MAF: variants seen among roughly 807,000 people sequenced by gnomAD.
The protein encoded by MAF is MAF bZIP transcription factor.
In MAF, 10 loss-of-function variants were observed where a neutral mutation model predicts 22.0. The observed-to-expected ratio is 0.45, with a 90% confidence interval of 0.28 to 0.77. The LOEUF (loss-of-function observed/expected upper bound fraction) is 0.77. Ranked by LOEUF, MAF falls within the 30% of genes least tolerant of loss-of-function variation. MAF has a pLI of 0.12. For synonymous variants in MAF, 337 were observed against 255.8 expected (o/e 1.32, Z -3.03); for missense variants, 544 against 548.4 (o/e 0.99, Z 0.08).
At chr16:79,355,563 T>C in the MAF span, among the ~76,000 whole-genome samples, 1 of 152,206 alleles carries the variant, frequency 6.6e-6, no homozygotes. Flanking sequence ...AGCCTCAGCC[T>C]CCTCTTCCAT....
the MAF span, among the ~76,000 whole-genome samples, chr16:79,272,065 C>T: frequency 6.6e-6 from 1 of 151,746 alleles, no homozygotes; most frequent in Non-Finnish European, 1.5e-5. Flanking sequence ...ACGTGTGAGC[C>T]AATACTTGGG....
chr16:79,512,379 G>T, the MAF span, among the ~76,000 whole-genome samples: 1 of 152,154 alleles, frequency 6.6e-6, no homozygotes, highest in African/African-American at 2.4e-5. Context: ...TTCCAGCTTT[G>T]CCCATCTGCA....
At chr16:79,407,876 T>A in the MAF span, among the ~76,000 whole-genome samples, 1 of 152,034 alleles carries the variant, frequency 6.6e-6, no homozygotes, top group African/African-American at 2.4e-5. Flanking sequence ...TTAATTTGCA[T>A]CCTTTATGCA....
chr16:79,339,129 G>T, the MAF span, among the ~76,000 whole-genome samples: 1 of 151,932 alleles, frequency 6.6e-6, no homozygotes, highest in Non-Finnish European at 1.5e-5. Flanking sequence ...GAGCGCAGTG[G>T]CACCATCTCG....
intron 1 of MAF, chr16:79,597,874 C>G (rs1913650213): frequency 9.7e-7 from 1 of 1,030,456 alleles, no homozygotes; most frequent in East Asian, 6.1e-5. Flanking sequence ...GTTGCTAAGA[C>G]AAAGTAGCAA....
chr16:79,545,405 A>C, the MAF span, among the ~76,000 whole-genome samples: 1 of 152,188 alleles, frequency 6.6e-6, no homozygotes, highest in Admixed American at 6.5e-5. Context: ...CAAGAGATTC[A>C]AGGGGACAGC....
chr16:79,205,333 A>G, the MAF span: 1 of 152,064 alleles, frequency 6.6e-6, no homozygotes, highest in Non-Finnish European at 1.5e-5. Flanking sequence ...GACACTCTTC[A>G]CCTGTCATGG....
chr16:79,599,802 T>G lies in MAF; in HGVS notation c.101A>C (p.Lys34Thr). The change falls in exon 1 of 2, where the codon AAG (lysine) becomes ACG (threonine). Residue 34 changes from lysine to threonine, a missense_variant. Lys to Thr is a moderately conservative substitution (Grantham distance 78). Around this residue, in one of 5 missense-constraint regions of MAF, gnomAD observed 63 missense variants for 72.7 expected, o/e 0.87. Transcript: ENST00000326043. ...GATGCGGTCGGTCTCCACCGGTTCC[T>G]TTTTCACTTCAAACTTCATCAGATC... Reference protein sequence around the residue: ...DFDLMKFEVKKEPVETDRIIS... With the variant: ...DFDLMKFEVKTEPVETDRIIS... 6.2e-7 allele frequency: 1 copy of G among 1,612,646 alleles called. No individual in the cohort carries two copies. The highest frequency in any genetic ancestry group is 8.5e-7 in the Non-Finnish European group (1 of 1,179,918).
the MAF span, among the ~76,000 whole-genome samples, chr16:79,378,137 A>G: frequency 6.6e-6 from 1 of 152,200 alleles, no homozygotes; most frequent in African/African-American, 2.4e-5. Flanking sequence ...CATTTTCACA[A>G]TATTGATTCT....
the MAF span, among the ~76,000 whole-genome samples, chr16:79,400,417 A>C: frequency 6.6e-6 from 1 of 152,256 alleles, no homozygotes; most frequent in Non-Finnish European, 1.5e-5. Context: ...TTCCAACCCC[A>C]CAAGGTCTTA....
chr16:79,343,631 T>C, the MAF span, among the ~76,000 whole-genome samples: 1 of 152,222 alleles, frequency 6.6e-6, no homozygotes, highest in African/African-American at 2.4e-5. Context: ...TTGTCGTGAA[T>C]GCAAATTTTG....
At chr16:79,245,625 C>G in the MAF span, among the ~76,000 whole-genome samples, 1 of 152,020 alleles carries the variant, frequency 6.6e-6, no homozygotes, top group Admixed American at 6.6e-5. Context: ...TACAGTAGTT[C>G]AACCATTGTG....
At chr16:79,323,611 C>T in the MAF span, among the ~76,000 whole-genome samples, 40 of 152,214 alleles carry the variant, frequency 2.6e-4, no homozygotes, top group Non-Finnish European at 5.0e-4. Context: ...GGAAAGGGTG[C>T]GTCTGGTGAT....
the MAF span, among the ~76,000 whole-genome samples, chr16:79,576,343 CA>C: frequency 2.6e-5 from 4 of 151,114 alleles, no homozygotes; most frequent in Admixed American, 2.6e-4. Context: ...AAACTGGTTC[CA>C]TGTTCTTGGA....
At chr16:79,291,242 A>T in the MAF span, among the ~76,000 whole-genome samples, 1 of 152,088 alleles carries the variant, frequency 6.6e-6, no homozygotes, top group Non-Finnish European at 1.5e-5. Context: ...TGGGAATGAC[A>T]TTTCCTGGCT....
intron 1 of MAF, among the ~76,000 whole-genome samples, chr16:79,587,791 T>C (rs1178678268): frequency 6.7e-6 from 1 of 149,196 alleles, no homozygotes; most frequent in East Asian, 2.0e-4. Context: ...AGATCATTGG[T>C]GTCATTTTCT....
chr16:79,266,521 A>G, the MAF span, among the ~76,000 whole-genome samples: 1 of 152,188 alleles, frequency 6.6e-6, no homozygotes, highest in Admixed American at 6.5e-5. Context: ...AAAAAACAAC[A>G]TGGTGGTGTA....
At chr16:79,502,625 C>A in the MAF span, among the ~76,000 whole-genome samples, 2 of 148,876 alleles carry the variant, frequency 1.3e-5, no homozygotes, top group Non-Finnish European at 3.0e-5. Context: ...GAGATTGCAC[C>A]ACTGCACTCC....
chr16:79,542,794 G>C, the MAF span, among the ~76,000 whole-genome samples: 1 of 152,188 alleles, frequency 6.6e-6, no homozygotes, highest in African/African-American at 2.4e-5. Flanking sequence ...CCTGGCCTTG[G>C]TTAATCTTCA....
Sources: allele counts gnomAD v4.1 joint callset (sites outside exome capture counted in the v4.1 genomes callset), GRCh38; gene constraint gnomAD v4.1.1; regional missense constraint gnomAD v4.1.1; transcripts MANE v1.5; gene names NCBI Gene and HGNC (gene_info 2026-07-23, HGNC 2026-07-21).